Variants in BMPR1A observed in about 807,000 individuals in gnomAD.
BMPR1A encodes the protein bone morphogenetic protein receptor type 1A.
BMPR1A carries 7 observed loss-of-function variants against 66.0 expected under a neutral mutation model. The observed-to-expected ratio is 0.11, with a 90% confidence interval of 0.06 to 0.20. BMPR1A has a LOEUF of 0.20. BMPR1A is among the 10% of genes least tolerant of loss of function. The pLI is 1.00. For missense variants in BMPR1A, 408 were observed against 669.1 expected (o/e 0.61, Z 4.31); for synonymous variants, 200 against 229.7 (o/e 0.87, Z 1.17).
intron 12 of BMPR1A, 27 bp downstream of exon 12, chr10:86,923,533 A>C: frequency 6.2e-7 from 1 of 1,614,250 alleles, no homozygotes; most frequent in Non-Finnish European, 8.5e-7. Flanking sequence ...CCCCTGAAGA[A>C]GTGATTCGTA....
At chr10:86,847,556 A>C (rs1482925752) in intron 2 of BMPR1A, among the ~76,000 whole-genome samples, 2 of 151,606 alleles carry the variant, frequency 1.3e-5, no homozygotes, top group Admixed American at 6.6e-5. Flanking sequence ...TATTTTTAAA[A>C]GATTATATAT....
At chr10:86,853,161 A>T (rs1016693829) in intron 2 of BMPR1A, among the ~76,000 whole-genome samples, 2 of 152,148 alleles carry the variant, frequency 1.3e-5, no homozygotes, top group African/African-American at 4.8e-5. Context: ...AATTATAACA[A>T]TGAAAATTGA....
chr10:86,760,244 CTTTCTTTTTTTT>C (rs1841027426), intron 1 of BMPR1A, among the ~76,000 whole-genome samples: 9 of 27,822 alleles, frequency 3.2e-4, no homozygotes, highest in Admixed American at 6.0e-4. Context: ...TTCTTTCTTT[CTTTCTTTTTTTT>C]TTTTTTTTTT....
chr10:86,830,373 A>G lies in BMPR1A; in HGVS notation c.-267-8492A>G, dbSNP rs190635615. ...TTCAGGAGCCTGGCTCATTTGGTCA[A>G]GCAAAGAATCTTTGCCAGAGCCCAG... On this transcript the variant is annotated intron_variant, in intron 1 of 12. Coordinates refer to ENST00000372037, the MANE Select transcript of BMPR1A (RefSeq NM_004329.3). Among the ~76,000 whole-genome samples, 7 of 152,352 alleles carry G rather than the reference A, an allele frequency of 4.6e-5. No individual in the cohort carries two copies. In the East Asian group the frequency reaches 1.3e-3, roughly 29 times the overall value.
intron 1 of BMPR1A, among the ~76,000 whole-genome samples, chr10:86,801,086 A>C (rs1375149935): frequency 6.6e-6 from 1 of 152,244 alleles, no homozygotes; most frequent in Non-Finnish European, 1.5e-5. Context: ...GTGTACTAAA[A>C]TGCTGAATTC....
At chr10:86,918,412 G>A (rs754810340) in intron 9 of BMPR1A, among the ~76,000 whole-genome samples, 7 of 152,188 alleles carry the variant, frequency 4.6e-5, no homozygotes, top group African/African-American at 1.4e-4. Context: ...CAACGAGCCA[G>A]ACTGAAAAGG....
upstream of BMPR1A, chr10:86,756,276 A>G (rs1847858883): frequency 6.6e-6 from 1 of 152,044 alleles, no homozygotes; most frequent in Non-Finnish European, 1.5e-5. Context: ...CGTCTGCGGG[A>G]AGCTACCCGG....
At chr10:86,879,706 G>T (rs1842962989) in intron 3 of BMPR1A, among the ~76,000 whole-genome samples, 1 of 152,190 alleles carries the variant, frequency 6.6e-6, no homozygotes, top group Admixed American at 6.5e-5. Context: ...ACTTCTGGCT[G>T]GTGGGAAGCC....
At chr10:86,861,014 T>A (rs1019748010) in intron 2 of BMPR1A, among the ~76,000 whole-genome samples, 1 of 151,768 alleles carries the variant, frequency 6.6e-6, no homozygotes, top group African/African-American at 2.4e-5. Context: ...GCTAATGTTT[T>A]GTATTTTTAG....
chr10:86,759,106 G>A (rs529415915), intron 1 of BMPR1A, among the ~76,000 whole-genome samples: 40 of 152,320 alleles, frequency 2.6e-4, no homozygotes, highest in Admixed American at 2.4e-3. Flanking sequence ...GTGGTGGTGG[G>A]AGAATCTGGG....
At position 86,866,410 on chromosome 10, in the gene BMPR1A, T is replaced by C. The variant is rs868459526; in HGVS notation, c.-152-9457T>C. On this transcript the variant is annotated intron_variant, in intron 2 of 12. Transcript: ENST00000372037. ...GGGCAAGTTTCTTTCTTTTTTTTTT[T>C]TTTTTTTTTTTTTTTTGAGATGGAG... Among the ~76,000 whole-genome samples the C allele has an allele frequency of 9.6e-5, 11 of 114,934 alleles. 1 individual carries two copies. The highest frequency in any genetic ancestry group is 3.2e-4 in the African/African-American group (8 of 25,386). The allele number at this position is 114,934 out of a possible 152,430, so 75.4% of individuals were successfully genotyped here. A position where few individuals can be genotyped will look rare whatever the true frequency, so the allele number is the denominator to read the frequency against.
chr10:86,885,188 C>T (rs1238396161), intron 3 of BMPR1A, among the ~76,000 whole-genome samples: 2 of 152,152 alleles, frequency 1.3e-5, no homozygotes, highest in East Asian at 3.8e-4. Flanking sequence ...TTTTGTGCTG[C>T]TCATGAGTGA....
At chr10:86,868,614 T>G (rs1406503258) in intron 2 of BMPR1A, among the ~76,000 whole-genome samples, 1 of 152,186 alleles carries the variant, frequency 6.6e-6, no homozygotes, top group Admixed American at 6.5e-5. Flanking sequence ...AAAGGAGAGT[T>G]TTCTCCTTGC....
chr10:86,757,393 C>T (rs985171891), intron 1 of BMPR1A, among the ~76,000 whole-genome samples: 36 of 152,174 alleles, frequency 2.4e-4, no homozygotes, highest in Admixed American at 4.6e-4. Flanking sequence ...GGGCCCTGGC[C>T]CCCGAGCTCC....
intron 3 of BMPR1A, among the ~76,000 whole-genome samples, chr10:86,885,878 T>A (rs916002782): frequency 6.6e-6 from 1 of 152,202 alleles, no homozygotes; most frequent in Non-Finnish European, 1.5e-5. Flanking sequence ...TATGAAAAAT[T>A]ACTTAGCCAG....
At chr10:86,888,330 T>A (rs1417935716) in intron 3 of BMPR1A, among the ~76,000 whole-genome samples, 1 of 151,486 alleles carries the variant, frequency 6.6e-6, no homozygotes, top group African/African-American at 2.4e-5. Flanking sequence ...TAGCTAGGCG[T>A]TGTGTGGGGT....
Position 86,780,440 on chromosome 10 carries a change from A to G in BMPR1A, c.-268+23521A>G, listed in dbSNP as rs1032035839. ...CTTACAGTGGTTTTTATCATTTCAA[A>G]TCTTTTTTTTTTGAGACGGAGTCTT... On this transcript the variant is annotated intron_variant, in intron 1 of 12. Coordinates refer to ENST00000372037, the MANE Select transcript of BMPR1A (RefSeq NM_004329.3). Among the ~76,000 whole-genome samples, 12 of 151,742 alleles carry G rather than the reference A, an allele frequency of 7.9e-5. No individual in the cohort carries two copies. In the East Asian group the frequency reaches 2.3e-3, roughly 29 times the overall value.
At chr10:86,793,652 A>C (rs886355805) in intron 1 of BMPR1A, among the ~76,000 whole-genome samples, 1 of 152,094 alleles carries the variant, frequency 6.6e-6, no homozygotes, top group Non-Finnish European at 1.5e-5. Flanking sequence ...CAGGCCTGAC[A>C]GATAGTTTTT....
intron 2 of BMPR1A, among the ~76,000 whole-genome samples, chr10:86,841,323 A>T (rs1348340847): frequency 1.3e-5 from 2 of 152,232 alleles, no homozygotes; most frequent in African/African-American, 2.4e-5. Flanking sequence ...TGATTATTCC[A>T]CACTGTGTAC....
Sources: allele counts gnomAD v4.1 joint callset (sites outside exome capture counted in the v4.1 genomes callset), GRCh38; gene constraint gnomAD v4.1.1; transcripts MANE v1.5; gene names NCBI Gene and HGNC (gene_info 2026-07-23, HGNC 2026-07-21).